The following PPA2 variants were observed in gnomAD, a reference collection of about 807,000 sequenced individuals.
The protein encoded by PPA2 is inorganic pyrophosphatase 2.
In PPA2, 48 loss-of-function variants were observed where a neutral mutation model predicts 49.5. The ratio of observed to expected loss-of-function variants is 0.97; its 90% CI spans 0.77 to 1.23. The LOEUF (loss-of-function observed/expected upper bound fraction) is 1.23, where lower values mean the gene tolerates loss of function less well. Ranked by LOEUF, PPA2 falls within the 50% of genes most tolerant of loss-of-function variation. The pLI is 0.00. For missense variants in PPA2, 429 were observed against 410.1 expected, an observed-to-expected ratio of 1.05 and a Z score of -0.40; for synonymous variants, 131 against 139.9, an observed-to-expected ratio of 0.94 and a Z score of 0.45.
chr4:105,381,517 A>G (rs1377172044), intron 10 of PPA2, among the ~76,000 whole-genome samples: 1 of 152,086 alleles, frequency 6.6e-6, no homozygotes, highest in Non-Finnish European at 1.5e-5. Flanking sequence ...ATGAATTAAC[A>G]TGGGAAAAAT....
chr4:105,373,111 T>C (rs1733094311), intron 10 of PPA2, among the ~76,000 whole-genome samples: 1 of 144,926 alleles, frequency 6.9e-6, no homozygotes, highest in African/African-American at 2.5e-5. Flanking sequence ...AGTGCTAGGA[T>C]AACAGGCATG....
chr4:105,445,408 A>G (rs1303677673), intron 5 of PPA2, among the ~76,000 whole-genome samples: 1 of 152,164 alleles, frequency 6.6e-6, no homozygotes, highest in African/African-American at 2.4e-5. Context: ...TCACTTTAGA[A>G]GTGCCCATTT....
At chr4:105,463,596 G>A (rs1303277335) in intron 1 of PPA2, among the ~76,000 whole-genome samples, 2 of 152,190 alleles carry the variant, frequency 1.3e-5, no homozygotes, top group Non-Finnish European at 2.9e-5. Flanking sequence ...AGGCCTTCAC[G>A]GCAGCCCTTC....
At chr4:105,455,117 T>G (rs1029646176) in intron 2 of PPA2, among the ~76,000 whole-genome samples, 23 of 152,218 alleles carry the variant, frequency 1.5e-4, no homozygotes, top group African/African-American at 5.5e-4. Flanking sequence ...CCTATCTTAT[T>G]CACTACTACA....
intron 6 of PPA2, among the ~76,000 whole-genome samples, chr4:105,433,545 G>C (rs1164983702): frequency 1.3e-5 from 2 of 152,208 alleles, no homozygotes; most frequent in Non-Finnish European, 2.9e-5. Context: ...TGTGTGTTTA[G>C]CTCAGCTGCT....
chr4:105,388,252 G>T (rs1276029945), intron 9 of PPA2, among the ~76,000 whole-genome samples: 2 of 151,962 alleles, frequency 1.3e-5, no homozygotes, highest in East Asian at 3.9e-4. Flanking sequence ...AAGAAAAAGT[G>T]ATTTAACTGG....
Position 105,369,499 on chromosome 4 carries a change from AG to A in PPA2, c.*225del, listed in dbSNP as rs1732936328. On this transcript the variant is annotated 3_prime_UTR_variant, in exon 12 of 12. Transcript: ENST00000341695. Reference sequence around the variant, plus strand: ...CGGCCTCCCAAAGTGCTGAAATTACAGGCATGAGCCACCGTGCCTGGCCAAA... The same window carrying A: ...CGGCCTCCCAAAGTGCTGAAATTACAGCATGAGCCACCGTGCCTGGCCAAA... 1 of 484,536 alleles carries A rather than the reference AG, an allele frequency of 2.1e-6. No individual in the cohort carries two copies. Among genetic ancestry groups the A allele is most frequent in the Non-Finnish European group, 3.7e-6 (1 of 271,530 alleles). The allele number at this position is 484,536 out of a possible 1,614,324, so 30.0% of individuals were successfully genotyped here.
intron 6 of PPA2, among the ~76,000 whole-genome samples, chr4:105,430,309 C>T (rs1015664080): frequency 5.3e-5 from 8 of 152,154 alleles, no homozygotes; most frequent in African/African-American, 1.9e-4. Flanking sequence ...AATTAGTTAA[C>T]ACAACTGACT....
intron 9 of PPA2, among the ~76,000 whole-genome samples, chr4:105,388,721 A>T (rs1733778673): frequency 6.6e-6 from 1 of 150,874 alleles, no homozygotes; most frequent in African/African-American, 2.4e-5. Context: ...GCTCCTTGGG[A>T]GGCCAAGGCA....
At chr4:105,378,356 A>G (rs1254678917) in intron 10 of PPA2, among the ~76,000 whole-genome samples, 1 of 152,074 alleles carries the variant, frequency 6.6e-6, no homozygotes, top group Non-Finnish European at 1.5e-5. Context: ...GCTCATTCAT[A>G]TATTTTGTAC....
chr4:105,416,814 T>C (rs981805896), intron 7 of PPA2, among the ~76,000 whole-genome samples: 4 of 152,166 alleles, frequency 2.6e-5, no homozygotes, highest in Non-Finnish European at 5.9e-5. Context: ...CCTTTCCTTC[T>C]CCATTCTCCT....
intron 7 of PPA2, among the ~76,000 whole-genome samples, chr4:105,415,427 ATGAG>A (rs1199928030): frequency 3.9e-5 from 6 of 152,146 alleles, no homozygotes; most frequent in African/African-American, 1.4e-4. Flanking sequence ...CAGTGCCACT[ATGAG>A]TGAGGGCACA....
chr4:105,404,909 G>C (rs1722390168), intron 7 of PPA2, among the ~76,000 whole-genome samples: 1 of 151,974 alleles, frequency 6.6e-6, no homozygotes, highest in African/African-American at 2.4e-5. Flanking sequence ...GTGAAACCCT[G>C]TCTCTACTAA....
At chr4:105,424,456 A>C (rs1303046732) in intron 6 of PPA2, 134 bp from the exon 7 acceptor site, 4 of 830,154 alleles carry the variant, frequency 4.8e-6, no homozygotes, top group South Asian at 2.8e-5. Flanking sequence ...AATAATATGA[A>C]AATAGCCAAA....
chr4:105,470,622 C>G (rs7673860), intron 1 of PPA2, among the ~76,000 whole-genome samples: 132,310 of 152,044 alleles, frequency 0.87, 57,808 homozygotes, highest in African/African-American at 0.91. Flanking sequence ...TTCACAGAAT[C>G]TAATAATAAG....
intron 1 of PPA2, 74 bp from the exon 2 acceptor site, chr4:105,456,819 A>T: frequency 8.6e-7 from 1 of 1,162,234 alleles, no homozygotes; most frequent in South Asian, 1.7e-5. Flanking sequence ...GCAATAATAA[A>T]CATCCTTATC....
intron 6 of PPA2, among the ~76,000 whole-genome samples, chr4:105,432,246 A>G (rs540967726): frequency 1.3e-5 from 2 of 152,332 alleles, no homozygotes; most frequent in East Asian, 3.9e-4. Flanking sequence ...GCTTCTTTCC[A>G]ATACCTACCT....
intron 7 of PPA2, chr4:105,405,788 C>T (rs1722443795): frequency 3.9e-6 from 2 of 518,140 alleles, no homozygotes; most frequent in Non-Finnish European, 7.0e-6. Flanking sequence ...TTTGTAGACC[C>T]AAGAGGGAAC....
At chr4:105,421,869 C>T (rs1311886365) in intron 7 of PPA2, among the ~76,000 whole-genome samples, 1 of 151,978 alleles carries the variant, frequency 6.6e-6, no homozygotes, top group African/African-American at 2.4e-5. Context: ...ACGGTGAAAC[C>T]CCATCTCTTC....
Sources: allele counts gnomAD v4.1 joint callset (sites outside exome capture counted in the v4.1 genomes callset), GRCh38; gene constraint gnomAD v4.1.1; transcripts MANE v1.5; gene names NCBI Gene and HGNC (gene_info 2026-07-23, HGNC 2026-07-21).